LRRC4C: variants seen among roughly 807,000 people sequenced by gnomAD.
LRRC4C encodes leucine rich repeat containing 4C.
LRRC4C carries 5 observed loss-of-function variants against 33.6 expected under a neutral mutation model. That is an observed-to-expected ratio of 0.15 (90% CI 0.08 to 0.31). The LOEUF (loss-of-function observed/expected upper bound fraction) is 0.31, where lower values mean the gene tolerates loss of function less well. LRRC4C is among the 10% of genes least tolerant of loss of function. The pLI is 1.00. For missense variants in LRRC4C, 560 were observed against 796.7 expected (o/e 0.70, Z 3.58); for synonymous variants, 329 against 302.0 (o/e 1.09, Z -0.93).
At chr11:41,220,758 T>C (rs140728337) in intron 1 of LRRC4C, among the ~76,000 whole-genome samples, 32 of 152,268 alleles carry the variant, frequency 2.1e-4, no homozygotes, top group Non-Finnish European at 4.4e-4. Context: ...AAAATTGAGA[T>C]GATTTAATGG....
Position 40,115,180 on chromosome 11 carries a change from A to C in LRRC4C, c.1113T>G (p.Ala371=), listed in dbSNP as rs771164000. 1 of 1,614,206 alleles carries C rather than the reference A, an allele frequency of 6.2e-7. No homozygotes were observed. The highest frequency in any genetic ancestry group is 1.1e-5 in the South Asian group (1 of 91,080). ...ATGTGGAGGCCCGACATTTCAGCTC[A>C]GCTGCCATGCCTTCAGTGACATTGA... is the stretch of plus-strand genomic sequence containing the variant. The part of the protein sequence containing the change: ...ADLNVTEGMA[A]ELKCRASTSL... Residue 371 remains alanine, a synonymous_variant, in exon 7 of 7, where the codon GCT becomes GCG. Transcript: ENST00000528697. This position sits in a 1 kb window ranked among gnomAD's most constrained non-coding sequence, Gnocchi z 6.7.
chr11:41,112,977 A>C (rs1941926533), intron 1 of LRRC4C, among the ~76,000 whole-genome samples: 1 of 152,102 alleles, frequency 6.6e-6, no homozygotes, highest in Non-Finnish European at 1.5e-5. Context: ...GGGTTAAAGG[A>C]TACAAACACA....
chr11:41,255,933 G>C (rs1399527388), intron 1 of LRRC4C, among the ~76,000 whole-genome samples: 1 of 151,916 alleles, frequency 6.6e-6, no homozygotes, highest in East Asian at 1.9e-4. Flanking sequence ...ACAAGAAGCA[G>C]AGTAGCTTGA....
chr11:40,317,699 A>C (rs534744535), intron 4 of LRRC4C, among the ~76,000 whole-genome samples: 12 of 152,114 alleles, frequency 7.9e-5, no homozygotes, highest in Middle Eastern at 3.4e-3. Context: ...TACTTCCTTC[A>C]TGGTTTTATT....
chr11:41,260,084 T>C (rs547045343), intron 1 of LRRC4C, among the ~76,000 whole-genome samples: 259 of 152,190 alleles, frequency 1.7e-3, no homozygotes, highest in Non-Finnish European at 3.0e-3. Flanking sequence ...TTGTCATTTT[T>C]TAAATGAAAG....
intron 3 of LRRC4C, among the ~76,000 whole-genome samples, chr11:40,327,537 A>G (rs906260528): frequency 6.6e-6 from 1 of 152,212 alleles, no homozygotes; most frequent in African/African-American, 2.4e-5. Context: ...TGGAGCTTCA[A>G]AATAATCTTG....
At chr11:41,073,882 G>A (rs369417158) in intron 1 of LRRC4C, among the ~76,000 whole-genome samples, 2 of 152,108 alleles carry the variant, frequency 1.3e-5, no homozygotes, top group Non-Finnish European at 2.9e-5. Flanking sequence ...CAATAATTAT[G>A]AAGTAGAAAT....
intron 3 of LRRC4C, among the ~76,000 whole-genome samples, chr11:40,512,504 T>G (rs894605224): frequency 6.6e-6 from 1 of 152,148 alleles, no homozygotes; most frequent in Non-Finnish European, 1.5e-5. Context: ...ATTTTTCTGG[T>G]CTCACTTGAA....
At chr11:40,957,263 G>C (rs1958998197) in intron 1 of LRRC4C, among the ~76,000 whole-genome samples, 1 of 151,724 alleles carries the variant, frequency 6.6e-6, no homozygotes, top group Admixed American at 6.6e-5. Context: ...AAAATAAGGT[G>C]CAAGTCGCTT....
intron 1 of LRRC4C, among the ~76,000 whole-genome samples, chr11:41,314,721 A>G (rs1297280845): frequency 6.6e-6 from 1 of 152,066 alleles, no homozygotes; most frequent in African/African-American, 2.4e-5. Flanking sequence ...TGGGTGCAGC[A>G]AACGAACAGG....
chr11:40,728,041 G>GA (rs913905937), intron 2 of LRRC4C, among the ~76,000 whole-genome samples: 2 of 145,054 alleles, frequency 1.4e-5, no homozygotes, highest in African/African-American at 2.5e-5. Flanking sequence ...AGACTCACAG[G>GA]AAAAATAATG....
At chr11:40,612,698 C>G (rs549666451) in intron 3 of LRRC4C, among the ~76,000 whole-genome samples, 1 of 151,834 alleles carries the variant, frequency 6.6e-6, no homozygotes, top group African/African-American at 2.4e-5. Flanking sequence ...TATGCACATA[C>G]ACATATTTTA....
chr11:41,318,019 A>G (rs1243579228), intron 1 of LRRC4C, among the ~76,000 whole-genome samples: 1 of 152,214 alleles, frequency 6.6e-6, no homozygotes, highest in Non-Finnish European at 1.5e-5. Context: ...TAGAACATGC[A>G]TTCAACAGAA....
At chr11:40,400,414 T>A (rs1028577369) in intron 3 of LRRC4C, among the ~76,000 whole-genome samples, 1 of 152,166 alleles carries the variant, frequency 6.6e-6, no homozygotes, top group Non-Finnish European at 1.5e-5. Context: ...ATATTTAAAG[T>A]GTGTGTGTAT....
chr11:41,195,629 T>C (rs1465925862), intron 1 of LRRC4C, among the ~76,000 whole-genome samples: 1 of 152,106 alleles, frequency 6.6e-6, no homozygotes, highest in African/African-American at 2.4e-5. Context: ...ATGATATGTC[T>C]ATTTTATATT....
intron 3 of LRRC4C, among the ~76,000 whole-genome samples, chr11:40,500,291 TATACACACACACACAC>T (rs1290768938): frequency 1.9e-4 from 12 of 62,772 alleles, no homozygotes; most frequent in African/African-American, 7.0e-4. Flanking sequence ...TATATATATA[TATACACACACACACAC>T]ACACACACAC....
At chr11:40,305,577 A>C (rs78537954) in intron 4 of LRRC4C, among the ~76,000 whole-genome samples, 7 of 151,840 alleles carry the variant, frequency 4.6e-5, no homozygotes, top group African/African-American at 1.7e-4. Flanking sequence ...AATGATGACT[A>C]TGTATCCAGT....
intron 1 of LRRC4C, among the ~76,000 whole-genome samples, chr11:41,444,426 A>C (rs1955753059): frequency 6.6e-6 from 1 of 152,228 alleles, no homozygotes; most frequent in Non-Finnish European, 1.5e-5. Flanking sequence ...GAACATACTA[A>C]ATCATTTTAT....
chr11:41,343,802 T>C (rs1187693781), intron 1 of LRRC4C, among the ~76,000 whole-genome samples: 2 of 152,194 alleles, frequency 1.3e-5, no homozygotes, highest in South Asian at 2.1e-4. Flanking sequence ...GAAGTCCCTA[T>C]TTATAACAAA....
Sources: allele counts gnomAD v4.1 joint callset (sites outside exome capture counted in the v4.1 genomes callset), GRCh38; gene constraint gnomAD v4.1.1; non-coding constraint Gnocchi (gnomAD v3.1); transcripts MANE v1.5; gene names NCBI Gene and HGNC (gene_info 2026-07-23, HGNC 2026-07-21).